Variants in KIAA1217 observed in about 807,000 individuals in gnomAD.
KIAA1217 encodes KIAA1217.
A neutral mutation model predicts 163.9 loss-of-function variants in KIAA1217; 88 were observed. The ratio of observed to expected loss-of-function variants is 0.54; its 90% CI spans 0.45 to 0.64. KIAA1217 has a LOEUF of 0.64. Among genes scored for constraint, KIAA1217 ranks in the 30% least tolerant of loss-of-function variants. The probability of loss-of-function intolerance (pLI) is 0.00; values close to 1 mark genes in which losing one functional copy is unlikely to be tolerated. For synonymous variants in KIAA1217, 903 were observed against 923.1 expected (o/e 0.98, Z 0.39); for missense variants, 2,372 against 2,475.0 (o/e 0.96, Z 0.88).
chr10:24,294,169 CAGAGCG>C (rs1279729407), intron 2 of KIAA1217, among the ~76,000 whole-genome samples: 1 of 110,288 alleles, frequency 9.1e-6, no homozygotes, highest in African/African-American at 3.6e-5. Flanking sequence ...GCCTGGGTGA[CAGAGCG>C]AGACTCCGTC....
At position 23,740,281 on chromosome 10, in the gene KIAA1217, T is replaced by C. The variant is rs966681134; in HGVS notation, c.-321+45047T>C. 2.6e-5 allele frequency among the ~76,000 whole-genome samples: 4 copies of C among 152,214 alleles called. 1 individual carries two copies. The South Asian group carries it at 6.2e-4, about 24-fold the overall frequency. On this transcript the variant is annotated intron_variant, in intron 1 of 18. Transcript: ENST00000376462. ...TTCACTTTTGACTTTGATTTGTTCA[T>C]TTCTACTTATTTTACACAGTAGTCT... is the stretch of plus-strand genomic sequence containing the variant.
intron 2 of KIAA1217, among the ~76,000 whole-genome samples, chr10:24,190,117 C>T (rs1283595427): frequency 6.6e-6 from 1 of 151,744 alleles, no homozygotes; most frequent in African/African-American, 2.4e-5. Context: ...CCTGTTTGTT[C>T]AGATTCTTCT....
At chr10:23,899,754 G>A (rs1841876379) in intron 1 of KIAA1217, among the ~76,000 whole-genome samples, 1 of 152,060 alleles carries the variant, frequency 6.6e-6, no homozygotes, top group South Asian at 2.1e-4. Flanking sequence ...TTGACTGAGA[G>A]ACATATGGGA....
chr10:24,306,710 T>C (rs2042040518), intron 2 of KIAA1217, among the ~76,000 whole-genome samples: 2 of 152,180 alleles, frequency 1.3e-5, no homozygotes, highest in African/African-American at 2.4e-5. Context: ...TAAAAATAAC[T>C]CAGCTTTAGT....
intron 1 of KIAA1217, among the ~76,000 whole-genome samples, chr10:23,784,323 G>A (rs1169508659): frequency 1.3e-5 from 2 of 151,942 alleles, no homozygotes; most frequent in African/African-American, 4.8e-5. Context: ...CAACTTGTGT[G>A]TCCTTAAAGC....
At chr10:23,849,869 C>T (rs1388113469) in intron 1 of KIAA1217, among the ~76,000 whole-genome samples, 1 of 151,988 alleles carries the variant, frequency 6.6e-6, no homozygotes, top group Non-Finnish European at 1.5e-5. Flanking sequence ...CTTCCTCTGT[C>T]CTTCTAAGAG....
chr10:24,427,370 C>T lies in KIAA1217; in HGVS notation c.554-5625C>T, dbSNP rs1052080959. 4.6e-5 allele frequency among the ~76,000 whole-genome samples: 7 copies of T among 152,116 alleles called. No homozygotes were observed. The East Asian group carries it at 1.2e-3, about 25-fold the overall frequency. ...AAGTGTGAGGATAGCTCAGGTTGCCCTGAGAGGATGCTTGCAGGAGATGGA... is the reference window on the plus strand; with the variant it reads ...AAGTGTGAGGATAGCTCAGGTTGCCTTGAGAGGATGCTTGCAGGAGATGGA... On this transcript the variant is annotated intron_variant, in intron 3 of 20. Coordinates refer to ENST00000376454, the MANE Select transcript of KIAA1217 (RefSeq NM_019590.5).
intron 1 of KIAA1217, among the ~76,000 whole-genome samples, chr10:24,214,316 C>G (rs998706398): frequency 2.6e-5 from 4 of 152,208 alleles, no homozygotes; most frequent in Admixed American, 2.0e-4. Context: ...TAATTGTTCA[C>G]TCAGACACAG....
chr10:23,766,596 T>C (rs1834537197), intron 1 of KIAA1217, among the ~76,000 whole-genome samples: 1 of 145,328 alleles, frequency 6.9e-6, no homozygotes. Context: ...TCTTTTTTCT[T>C]TTTTTTTTTT....
At chr10:24,373,983 G>A (rs558720063) in intron 2 of KIAA1217, among the ~76,000 whole-genome samples, 15 of 152,324 alleles carry the variant, frequency 9.8e-5, no homozygotes, top group Admixed American at 2.6e-4. Flanking sequence ...CTGCTGAATC[G>A]TCTGATTTCC....
intron 2 of KIAA1217, among the ~76,000 whole-genome samples, chr10:24,087,217 G>A (rs893149187): frequency 1.3e-5 from 2 of 152,186 alleles, no homozygotes; most frequent in East Asian, 3.8e-4. Context: ...ATGTTAACTA[G>A]GATCAAGTTA....
chr10:24,220,751 G>A (rs75936522), intron 2 of KIAA1217, among the ~76,000 whole-genome samples: 29,222 of 139,904 alleles, frequency 0.21, 3,156 homozygotes, highest in South Asian at 0.37. Flanking sequence ...ACTGCACCCC[G>A]GCCTTTTTTT....
intron 1 of KIAA1217, among the ~76,000 whole-genome samples, chr10:23,820,409 T>C (rs1178165838): frequency 1.3e-5 from 2 of 152,242 alleles, no homozygotes; most frequent in Non-Finnish European, 1.5e-5. Context: ...ATAACAGTCA[T>C]TCAACCTCTC....
At chr10:24,352,854 C>T (rs1466195353) in intron 2 of KIAA1217, among the ~76,000 whole-genome samples, 1 of 152,060 alleles carries the variant, frequency 6.6e-6, no homozygotes, top group Admixed American at 6.6e-5. Flanking sequence ...TCCTAAACCC[C>T]CATGGCTTAA....
rs779009951 is a variant in KIAA1217 at position 24,544,509 on chromosome 10, G to A, written c.5211+28G>A. 1.7e-5 allele frequency: 27 copies of A among 1,570,662 alleles called. No homozygotes were observed. In the South Asian group the frequency reaches 2.1e-4, roughly 12 times the overall value. On this transcript the variant is annotated intron_variant, in intron 19 of 20. Coordinates refer to ENST00000376454, the MANE Select transcript of KIAA1217 (RefSeq NM_019590.5). ...ATCTTGGTCTGCTGGAAAATGAAAAGACCCAGCTGCTTTCCTAAATCTGCC... is the reference window on the plus strand; with the variant it reads ...ATCTTGGTCTGCTGGAAAATGAAAAAACCCAGCTGCTTTCCTAAATCTGCC...
intron 1 of KIAA1217, among the ~76,000 whole-genome samples, chr10:23,780,030 A>G (rs1386378586): frequency 6.6e-6 from 1 of 152,206 alleles, no homozygotes; most frequent in Non-Finnish European, 1.5e-5. Context: ...TATGATGTTC[A>G]TAGGACAAAG....
chr10:24,265,842 G>A (rs1357023487), intron 2 of KIAA1217, among the ~76,000 whole-genome samples: 1 of 152,102 alleles, frequency 6.6e-6, no homozygotes, highest in Non-Finnish European at 1.5e-5. Context: ...AAAAGATAAG[G>A]AATGCTTAGC....
At chr10:24,185,298 G>C (rs1453899318) in intron 2 of KIAA1217, among the ~76,000 whole-genome samples, 1 of 152,276 alleles carries the variant, frequency 6.6e-6, no homozygotes, top group African/African-American at 2.4e-5. Flanking sequence ...ACACCACTCA[G>C]TTCCAGTTTG....
At chr10:24,526,233 G>A (rs1358215439) in intron 13 of KIAA1217, among the ~76,000 whole-genome samples, 1 of 152,054 alleles carries the variant, frequency 6.6e-6, no homozygotes, top group East Asian at 1.9e-4. Context: ...AACTGCCACA[G>A]CCACGGTCGC....
Sources: allele counts gnomAD v4.1 joint callset (sites outside exome capture counted in the v4.1 genomes callset), GRCh38; gene constraint gnomAD v4.1.1; transcripts MANE v1.5; gene names NCBI Gene and HGNC (gene_info 2026-07-23, HGNC 2026-07-21).